The following MYRIP variants were observed in gnomAD, a reference collection of about 807,000 sequenced individuals.
The protein encoded by MYRIP is rab effector MyRIP.
MYRIP carries 49 observed loss-of-function variants against 98.0 expected under a neutral mutation model. That is an observed-to-expected ratio of 0.50 (90% CI 0.40 to 0.63). MYRIP has a LOEUF of 0.63. Ranked by LOEUF, MYRIP falls within the 30% of genes least tolerant of loss-of-function variation. The pLI is 0.00. For missense variants in MYRIP, 1,004 were observed against 1,058.2 expected (o/e 0.95, Z 0.71); for synonymous variants, 404 against 409.5 (o/e 0.99, Z 0.16).
At chr3:40,015,248 G>T (rs1477900623) in intron 2 of MYRIP, among the ~76,000 whole-genome samples, 3 of 152,188 alleles carry the variant, frequency 2.0e-5, no homozygotes, top group African/African-American at 7.2e-5. Context: ...ATTAGGTTGG[G>T]TCTAAAAAAT....
chr3:40,016,070 ACT>A (rs1487297221), intron 2 of MYRIP, among the ~76,000 whole-genome samples: 5 of 150,952 alleles, frequency 3.3e-5, no homozygotes, highest in African/African-American at 1.2e-4. Context: ...ATTTCCTCCT[ACT>A]CTGTCTACCG....
At chr3:40,250,384 G>T (rs1953336939) in intron 14 of MYRIP, 55 bp from the exon 15 acceptor site, 14 of 1,613,330 alleles carry the variant, frequency 8.7e-6, no homozygotes, top group Middle Eastern at 1.6e-4. Flanking sequence ...AAATTTAGAA[G>T]ACAAAATATC....
At chr3:40,231,458 G>A (rs182494354) in intron 11 of MYRIP, among the ~76,000 whole-genome samples, 1 of 152,308 alleles carries the variant, frequency 6.6e-6, no homozygotes, top group East Asian at 1.9e-4. Flanking sequence ...GTAGAGAACT[G>A]GGAAGTGCAT....
At chr3:40,126,410 C>T (rs939670146) in intron 3 of MYRIP, among the ~76,000 whole-genome samples, 7 of 152,192 alleles carry the variant, frequency 4.6e-5, no homozygotes, top group Non-Finnish European at 8.8e-5. Flanking sequence ...TCTGTTTTTA[C>T]TGTTAATTTA....
Position 40,169,864 on chromosome 3 carries a change from A to G in MYRIP, c.730-86A>G. On this transcript the variant is annotated intron_variant, in intron 7 of 16. Coordinates refer to ENST00000302541, the MANE Select transcript of MYRIP (RefSeq NM_015460.4). ...AATTAAGCTTATAAGTGGCTGAAAA[A>G]AATTCCAAAGATGGTCCCAGTTACT... 5 of 1,557,126 alleles carry G rather than the reference A, an allele frequency of 3.2e-6. No individual in the cohort carries two copies. The South Asian group carries it at 5.8e-5, about 18-fold the overall frequency.
intron 2 of MYRIP, among the ~76,000 whole-genome samples, chr3:39,951,940 A>G (rs994016375): frequency 2.0e-5 from 3 of 152,164 alleles, no homozygotes; most frequent in African/African-American, 7.2e-5. Context: ...ACCTATTTTA[A>G]CTGTACAATT....
chr3:40,027,386 C>G (rs1053352107), intron 2 of MYRIP, among the ~76,000 whole-genome samples: 3 of 152,088 alleles, frequency 2.0e-5, no homozygotes, highest in African/African-American at 7.2e-5. Flanking sequence ...GTTCCCTGCT[C>G]ACATCCTCCA....
At chr3:40,180,417 C>CTCCACAGTCTA (rs2125614282) in intron 8 of MYRIP, among the ~76,000 whole-genome samples, 1 of 152,364 alleles carries the variant, frequency 6.6e-6, no homozygotes, top group East Asian at 1.9e-4. Context: ...CCCTCAGTTG[C>CTCCACAGTCTA]TCCACAGTCT....
At chr3:39,866,958 T>C (rs986633088) in intron 1 of MYRIP, among the ~76,000 whole-genome samples, 152 of 152,260 alleles carry the variant, frequency 1.0e-3, no homozygotes, top group African/African-American at 3.4e-3. Flanking sequence ...TCCAACAGTA[T>C]AGTACTGACA....
chr3:39,919,719 T>TGAGAGA (rs1219817798), intron 2 of MYRIP, among the ~76,000 whole-genome samples: 2 of 146,854 alleles, frequency 1.4e-5, no homozygotes, highest in Non-Finnish European at 3.0e-5. Context: ...TGTGTGTGTG[T>TGAGAGA]GTGTGTGTGA....
chr3:40,085,929 T>G (rs1948616436), intron 3 of MYRIP, among the ~76,000 whole-genome samples: 1 of 151,960 alleles, frequency 6.6e-6, no homozygotes, highest in Non-Finnish European at 1.5e-5. Flanking sequence ...GAAAATAAGG[T>G]TTTCATACTT....
At chr3:39,846,188 G>A (rs1373974492) in intron 1 of MYRIP, among the ~76,000 whole-genome samples, 2 of 97,560 alleles carry the variant, frequency 2.1e-5, no homozygotes, top group Admixed American at 9.3e-5. Context: ...CTCAACTCTT[G>A]GAAAAGCTTC....
At chr3:40,219,722 T>C (rs1258109973) in intron 11 of MYRIP, among the ~76,000 whole-genome samples, 1 of 152,204 alleles carries the variant, frequency 6.6e-6, no homozygotes. Flanking sequence ...ATTTTCTTAA[T>C]CCAGTCTATC....
rs1459704191 is a variant in MYRIP at position 40,252,555 on chromosome 3, GCAAAGA to G, written c.2547+560_2547+565del. 7.8e-4 allele frequency among the ~76,000 whole-genome samples: 119 copies of G among 152,296 alleles called. 1 individual carries two copies. In the East Asian group the frequency reaches 0.02, roughly 25 times the overall value. ...AAAGAACTGTATCAAGCACTAAAAAGCAAAGACAAGCCCTTATACCTTCTGCATAAT... is the reference window on the plus strand; with the variant it reads ...AAAGAACTGTATCAAGCACTAAAAAGCAAGCCCTTATACCTTCTGCATAAT... On this transcript the variant is annotated intron_variant, in intron 16 of 16. Coordinates refer to ENST00000302541, the MANE Select transcript of MYRIP (RefSeq NM_015460.4).
intron 1 of MYRIP, among the ~76,000 whole-genome samples, chr3:39,822,177 T>C (rs1476115899): frequency 6.6e-6 from 1 of 152,184 alleles, no homozygotes; most frequent in Non-Finnish European, 1.5e-5. Flanking sequence ...TATATTATAT[T>C]TTTAAGTTGA....
At chr3:39,933,481 C>A (rs978490198) in intron 2 of MYRIP, among the ~76,000 whole-genome samples, 5 of 152,122 alleles carry the variant, frequency 3.3e-5, no homozygotes, top group Non-Finnish European at 7.3e-5. Flanking sequence ...CTGGAAAATC[C>A]CTCATCATAT....
intron 2 of MYRIP, among the ~76,000 whole-genome samples, chr3:39,969,058 T>C (rs558371294): frequency 6.6e-6 from 1 of 152,348 alleles, no homozygotes; most frequent in East Asian, 1.9e-4. Context: ...GTTAGCTATG[T>C]TCCTAGGTAT....
intron 3 of MYRIP, among the ~76,000 whole-genome samples, chr3:40,096,142 C>T (rs1314029719): frequency 6.6e-6 from 1 of 151,790 alleles, no homozygotes; most frequent in African/African-American, 2.4e-5. Flanking sequence ...TTTTCTCGGG[C>T]CATTCTACCT....
At chr3:39,839,811 C>A (rs1306756449) in intron 1 of MYRIP, among the ~76,000 whole-genome samples, 1 of 152,156 alleles carries the variant, frequency 6.6e-6, no homozygotes, top group Non-Finnish European at 1.5e-5. Context: ...ATCCAGAGTT[C>A]TATTTTGTTT....
Sources: allele counts gnomAD v4.1 joint callset (sites outside exome capture counted in the v4.1 genomes callset), GRCh38; gene constraint gnomAD v4.1.1; transcripts MANE v1.5; gene names NCBI Gene and HGNC (gene_info 2026-07-23, HGNC 2026-07-21).